Variants in ADCY5 observed in about 807,000 individuals in gnomAD.
The protein encoded by ADCY5 is adenylate cyclase type 5.
A neutral mutation model predicts 119.7 loss-of-function variants in ADCY5; 30 were observed. The ratio of observed to expected loss-of-function variants is 0.25; its 90% CI spans 0.19 to 0.34. The LOEUF (loss-of-function observed/expected upper bound fraction) is 0.34. ADCY5 is among the 10% of genes least tolerant of loss of function. The probability of loss-of-function intolerance (pLI) is 1.00; values close to 1 mark genes in which losing one functional copy is unlikely to be tolerated. For synonymous variants in ADCY5, 753 were observed against 762.2 expected, an observed-to-expected ratio of 0.99 and a Z score of 0.20; for missense variants, 1,324 against 1,775.2, an observed-to-expected ratio of 0.75 and a Z score of 4.57.
intron 11 of ADCY5, 72 bp downstream of exon 11, chr3:123,317,948 T>C: frequency 7.1e-7 from 1 of 1,411,862 alleles, no homozygotes; most frequent in Non-Finnish European, 9.9e-7. Flanking sequence ...TTCTCCTAAA[T>C]GACCACCCCC....
chr3:123,442,382 G>A (rs966973066), intron 1 of ADCY5, among the ~76,000 whole-genome samples: 2 of 152,140 alleles, frequency 1.3e-5, no homozygotes, highest in Non-Finnish European at 2.9e-5. Context: ...TGCCTCATGC[G>A]GGAGAGGAGG....
Position 123,346,721 on chromosome 3 carries a change from C to T in ADCY5, c.1406+1061G>A, listed in dbSNP as rs192793042. Reference sequence around the variant, plus strand: ...TAATCACTTTCTTGAAAACGCAGGCCAAGCCTCCAAAGAGTCCTCTTTACA... The same window carrying T: ...TAATCACTTTCTTGAAAACGCAGGCTAAGCCTCCAAAGAGTCCTCTTTACA... On this transcript the variant is annotated intron_variant, in intron 3 of 20. Transcript: ENST00000462833. 1.3e-4 allele frequency among the ~76,000 whole-genome samples: 20 copies of T among 151,910 alleles called. No individual in the cohort carries two copies. In the East Asian group the frequency reaches 3.7e-3, roughly 28 times the overall value.
At chr3:123,316,597 G>C (rs1285419502) in intron 11 of ADCY5, among the ~76,000 whole-genome samples, 2 of 152,334 alleles carry the variant, frequency 1.3e-5, no homozygotes, top group East Asian at 3.9e-4. Context: ...AAAACAGAAG[G>C]TACTGGCTTC....
intron 1 of ADCY5, among the ~76,000 whole-genome samples, chr3:123,396,053 G>GAGGGAGGGAGGGAGGGAGA (rs1944547092): frequency 3.6e-5 from 1 of 27,484 alleles, no homozygotes; most frequent in African/African-American, 2.0e-4. Flanking sequence ...AGGGAGAGAG[G>GAGGGAGGGAGGGAGGGAGA]GAGGGAGGGT....
intron 3 of ADCY5, among the ~76,000 whole-genome samples, chr3:123,343,872 A>T (rs1423119876): frequency 6.6e-6 from 1 of 152,012 alleles, no homozygotes; most frequent in Non-Finnish European, 1.5e-5. Flanking sequence ...AGGCTGAAAC[A>T]TTTCCATTTG....
chr3:123,398,739 T>C (rs1193078134), intron 1 of ADCY5, among the ~76,000 whole-genome samples: 1 of 152,200 alleles, frequency 6.6e-6, no homozygotes, highest in African/African-American at 2.4e-5. Flanking sequence ...TCTTTGCCCA[T>C]GCCATTAACC....
At chr3:123,373,965 C>G (rs146384053) in intron 1 of ADCY5, among the ~76,000 whole-genome samples, 1 of 152,104 alleles carries the variant, frequency 6.6e-6, no homozygotes, top group Non-Finnish European at 1.5e-5. Context: ...GGTCAACTCC[C>G]AAATCTCCAT....
At chr3:123,396,053 G>A (rs79623238) in intron 1 of ADCY5, among the ~76,000 whole-genome samples, 1,125 of 27,090 alleles carry the variant, frequency 0.042, 8 homozygotes, top group African/African-American at 0.074. Context: ...AGGGAGAGAG[G>A]GAGGGAGGGT....
chr3:123,329,139 G>A (rs1459272454), intron 5 of ADCY5, among the ~76,000 whole-genome samples: 2 of 152,204 alleles, frequency 1.3e-5, no homozygotes, highest in African/African-American at 4.8e-5. Context: ...TGCACGTTAG[G>A]GCCGACTTGA....
At chr3:123,303,893 G>GAAGAGAAGAGAAAAGAA (rs746945989) in intron 13 of ADCY5, among the ~76,000 whole-genome samples, 174 bp downstream of exon 13, 1 of 117,186 alleles carries the variant, frequency 8.5e-6, no homozygotes, top group Non-Finnish European at 1.7e-5. Flanking sequence ...GAAGAGAAGA[G>GAAGAGAAGAGAAAAGAA]AAGAAAGAAC....
chr3:123,432,549 T>G (rs1301741691), intron 1 of ADCY5, among the ~76,000 whole-genome samples: 1 of 152,138 alleles, frequency 6.6e-6, no homozygotes, highest in East Asian at 1.9e-4. Context: ...ATTTTTTTAT[T>G]TAGACAGGGT....
intron 14 of ADCY5, among the ~76,000 whole-genome samples, chr3:123,301,871 G>A (rs558405900): frequency 1.3e-5 from 2 of 151,994 alleles, no homozygotes; most frequent in Non-Finnish European, 2.9e-5. Flanking sequence ...GAGGCTGGGT[G>A]CAGCATGGCT....
intron 1 of ADCY5, among the ~76,000 whole-genome samples, chr3:123,397,474 A>C (rs1195672682): frequency 2.0e-5 from 3 of 152,244 alleles, no homozygotes; most frequent in African/African-American, 7.2e-5. Context: ...CTGTCTCTAC[A>C]AAAAGTTTTA....
intron 15 of ADCY5, among the ~76,000 whole-genome samples, 189 bp downstream of exon 15, chr3:123,299,931 G>A (rs575426779): frequency 6.6e-6 from 1 of 152,326 alleles, no homozygotes; most frequent in African/African-American, 2.4e-5. Context: ...GTGACCTGAG[G>A]CCACTCCAAC....
chr3:123,348,049 G>GTGTGTGTGTGTGTGTGTGTGTGTGTA, intron 2 of ADCY5, 146 bp from the exon 3 acceptor site: 1 of 725,376 alleles, frequency 1.4e-6, no homozygotes, highest in Non-Finnish European at 2.3e-6. Context: ...GTGTGTGTGT[G>GTGTGTGTGTGTGTGTGTGTGTGTGTA]TGTGTGTGTG....
chr3:123,378,420 G>C (rs1943918257), intron 1 of ADCY5, among the ~76,000 whole-genome samples: 1 of 152,184 alleles, frequency 6.6e-6, no homozygotes. Flanking sequence ...ACCCTGTCTG[G>C]GAAGCCAAGT....
At chr3:123,345,484 T>C (rs1439214609) in intron 3 of ADCY5, among the ~76,000 whole-genome samples, 2 of 152,092 alleles carry the variant, frequency 1.3e-5, no homozygotes, top group Non-Finnish European at 1.5e-5. Context: ...CCAGGGACAA[T>C]GCCTGGGCCA....
chr3:123,302,006 C>T (rs985357298), intron 14 of ADCY5, among the ~76,000 whole-genome samples: 1 of 152,228 alleles, frequency 6.6e-6, no homozygotes, highest in African/African-American at 2.4e-5. Flanking sequence ...CCTGTCTGTA[C>T]ATCTGAGAGC....
chr3:123,348,477 T>C (rs1481468917), intron 2 of ADCY5, among the ~76,000 whole-genome samples: 2 of 152,092 alleles, frequency 1.3e-5, no homozygotes, highest in Non-Finnish European at 2.9e-5. Flanking sequence ...GGTGCCACTA[T>C]GGGGGCACTG....
Sources: gnomAD v4.1 joint callset for allele counts (sites outside exome capture counted in the v4.1 genomes callset) on GRCh38, gnomAD v4.1.1 for gene constraint, MANE v1.5 for transcripts, NCBI Gene and HGNC (gene_info 2026-07-23, HGNC 2026-07-21) for gene names.